Variants in NAA25 observed in about 807,000 individuals in gnomAD.
NAA25 encodes N-alpha-acetyltransferase 25, NatB auxiliary subunit, also known as N-terminal acetyltransferase B complex subunit NAA25.
In NAA25, 30 loss-of-function variants were observed where a neutral mutation model predicts 132.5. That is an observed-to-expected ratio of 0.23 (90% CI 0.17 to 0.31). The LOEUF is 0.31. Ranked by LOEUF, NAA25 falls within the 10% of genes least tolerant of loss-of-function variation. NAA25 has a pLI of 1.00. For missense variants in NAA25, 771 were observed against 1,150.4 expected, an observed-to-expected ratio of 0.67 and a Z score of 4.77; for synonymous variants, 359 against 401.9, an observed-to-expected ratio of 0.89 and a Z score of 1.28.
intron 13 of NAA25, among the ~76,000 whole-genome samples, chr12:112,056,086 G>A (rs1363031039): frequency 6.6e-6 from 1 of 152,154 alleles, no homozygotes; most frequent in East Asian, 1.9e-4. Flanking sequence ...TGTAATCCCA[G>A]CACTCTGGGA....
intron 22 of NAA25, among the ~76,000 whole-genome samples, chr12:112,036,897 G>A (rs1407544762): frequency 3.3e-5 from 5 of 150,856 alleles, no homozygotes; most frequent in African/African-American, 7.3e-5. Flanking sequence ...GTGTGTGCAC[G>A]CGCGTGTGCA....
At chr12:112,046,834 T>A (rs139601979) in intron 17 of NAA25, among the ~76,000 whole-genome samples, 176 of 152,338 alleles carry the variant, frequency 1.2e-3, no homozygotes, top group African/African-American at 4.0e-3. Context: ...TCTCTCTATA[T>A]ATGAAGGATA....
chr12:112,055,377 A>G (rs2136842945), intron 13 of NAA25, among the ~76,000 whole-genome samples: 1 of 152,338 alleles, frequency 6.6e-6, no homozygotes, highest in African/African-American at 2.4e-5. Flanking sequence ...AAATATGCAC[A>G]AAGAGAGAGA....
rs759485588 is a variant in NAA25, at chr12:112,078,210, A to G, written c.642T>C (p.Asp214=). The change falls in exon 7 of 24, where the codon GAT becomes GAC. Residue 214 remains aspartate (D), a synonymous_variant. Coordinates refer to ENST00000261745, the MANE Select transcript of NAA25 (RefSeq NM_024953.4). ...ERLGKYQEAL[D]VIRGKLGEKL... Reference sequence around the variant, plus strand: ...TACCTCCTAATTTCCCTCTGATGACATCCAAGGCCTCCTGGTACTTTCCCA... The same window carrying G: ...TACCTCCTAATTTCCCTCTGATGACGTCCAAGGCCTCCTGGTACTTTCCCA... The G allele has an allele frequency of 6.8e-6, 11 of 1,608,266 alleles. No homozygotes were observed. Among genetic ancestry groups the G allele is most frequent in the Admixed American group, 3.4e-5 (2 of 59,084 alleles).
intron 10 of NAA25, among the ~76,000 whole-genome samples, chr12:112,071,217 G>A (rs1281308641): frequency 5.4e-5 from 8 of 149,112 alleles, no homozygotes; most frequent in African/African-American, 1.5e-4. Flanking sequence ...ACGGGGTTAC[G>A]GCCATGTTGG....
At chr12:112,071,438 T>C (rs900097364) in intron 10 of NAA25, among the ~76,000 whole-genome samples, 20 of 152,284 alleles carry the variant, frequency 1.3e-4, no homozygotes, top group African/African-American at 4.6e-4. Context: ...CTCAAGAGAC[T>C]CTCCTGCCTC....
chr12:112,106,997 A>G (rs2079371301), intron 1 of NAA25, among the ~76,000 whole-genome samples: 1 of 146,858 alleles, frequency 6.8e-6, no homozygotes, highest in Non-Finnish European at 1.5e-5. Flanking sequence ...GCCTGGAGCC[A>G]GGCATGGTGG....
intron 13 of NAA25, among the ~76,000 whole-genome samples, chr12:112,055,668 T>C (rs1227032437): frequency 6.6e-6 from 1 of 150,698 alleles, no homozygotes; most frequent in African/African-American, 2.4e-5. Flanking sequence ...ATCATGCCAC[T>C]GCACTCCAAC....
At position 112,049,702 on chromosome 12, in the gene NAA25, G is replaced by A. The variant is rs963926255; in HGVS notation, c.1729-1259C>T. ...CAAGAAGGACTACCTGAAAAAGCTC[G>A]AGTATACCTTCTAGCTTGATTAAAG... On this transcript the variant is annotated intron_variant, in intron 15 of 23. Transcript: ENST00000261745. The surrounding 1 kb of genome is among the most constrained non-coding windows in gnomAD (Gnocchi z 4.7). 4.4e-6 allele frequency: 4 copies of A among 910,590 alleles called. No homozygotes were observed. Among genetic ancestry groups the A allele is most frequent in the Non-Finnish European group, 5.3e-6 (4 of 761,870 alleles). 56.4% of individuals were successfully genotyped at this position (910,590 alleles called of 1,614,324 possible).
chr12:112,101,475 G>T (rs1185871648), intron 1 of NAA25, among the ~76,000 whole-genome samples: 1 of 152,130 alleles, frequency 6.6e-6, no homozygotes, highest in Non-Finnish European at 1.5e-5. Flanking sequence ...AGATAATACA[G>T]GCCGGGTGCG....
intron 9 of NAA25, among the ~76,000 whole-genome samples, chr12:112,074,255 C>T (rs2078860581): frequency 6.8e-6 from 1 of 146,300 alleles, no homozygotes; most frequent in South Asian, 2.2e-4. Flanking sequence ...GCAGGAGAAT[C>T]GCTTGCTTCT....
chr12:112,096,150 T>C (rs2079210784), intron 1 of NAA25, among the ~76,000 whole-genome samples: 2 of 152,238 alleles, frequency 1.3e-5, no homozygotes, highest in African/African-American at 4.8e-5. Context: ...AAAAACAGTC[T>C]ATTAATTCTT....
Position 112,087,011 on chromosome 12 carries a change from A to G in NAA25, c.402+672T>C, listed in dbSNP as rs1048624152. 3.6e-3 allele frequency among the ~76,000 whole-genome samples: 345 copies of G among 95,674 alleles called. 4 individuals are homozygous for G. The highest frequency in any genetic ancestry group is 0.019 in the African/African-American group (336 of 17,514). 62.8% of individuals were successfully genotyped at this position (95,674 alleles called of 152,430 possible). A position where few individuals can be genotyped will look rare whatever the true frequency, so the allele number is the denominator to read the frequency against. ...CAACAACAGCAAAACTCCATCTCCAAAAAAAAAAAAAAAAAAAAATACTAG... is the reference window on the plus strand; with the variant it reads ...CAACAACAGCAAAACTCCATCTCCAGAAAAAAAAAAAAAAAAAAATACTAG... On this transcript the variant is annotated intron_variant, in intron 4 of 23. Coordinates refer to ENST00000261745, the MANE Select transcript of NAA25 (RefSeq NM_024953.4).
intron 10 of NAA25, among the ~76,000 whole-genome samples, chr12:112,069,829 A>C (rs536924208): frequency 1.9e-3 from 262 of 139,562 alleles, no homozygotes; most frequent in Middle Eastern, 9.3e-3. Flanking sequence ...CAAAAAAAAA[A>C]ACAAAACTGT....
intron 9 of NAA25, among the ~76,000 whole-genome samples, chr12:112,073,712 C>T (rs747765599): frequency 2.0e-5 from 3 of 152,032 alleles, no homozygotes; most frequent in Non-Finnish European, 4.4e-5. Flanking sequence ...GGATAACAGG[C>T]GTGAGCCACT....
intron 5 of NAA25, among the ~76,000 whole-genome samples, chr12:112,079,935 G>A (rs2078946018): frequency 1.3e-5 from 2 of 152,076 alleles, no homozygotes; most frequent in Admixed American, 1.3e-4. Context: ...TAGAGATTCA[G>A]GGGAAATACA....
intron 10 of NAA25, 85 bp from the exon 11 acceptor site, chr12:112,069,077 T>A: frequency 3.6e-6 from 3 of 824,968 alleles, no homozygotes; most frequent in Non-Finnish European, 5.8e-6. Context: ...AAAACATTCA[T>A]TTCAATTAAA....
chr12:112,084,262 C>A (rs1218865830), intron 4 of NAA25, among the ~76,000 whole-genome samples: 2 of 152,194 alleles, frequency 1.3e-5, no homozygotes, highest in Non-Finnish European at 2.9e-5. Context: ...TCCCTCCTAC[C>A]TCCACGAGTT....
At chr12:112,054,657 ACCC>A in intron 13 of NAA25, 89 bp from the exon 14 acceptor site, 3 of 1,135,496 alleles carry the variant, frequency 2.6e-6, no homozygotes, top group Admixed American at 2.8e-5. Context: ...TGACATCATC[ACCC>A]CCCCCAATAA....
Sources: gnomAD v4.1 joint callset for allele counts (sites outside exome capture counted in the v4.1 genomes callset) on GRCh38, gnomAD v4.1.1 for gene constraint, Gnocchi (gnomAD v3.1) non-coding constraint, MANE v1.5 for transcripts, NCBI Gene and HGNC (gene_info 2026-07-23, HGNC 2026-07-21) for gene names.